NRP1: variants seen among roughly 807,000 people sequenced by gnomAD.
NRP1 encodes the protein neuropilin-1.
A neutral mutation model predicts 106.7 loss-of-function variants in NRP1; 35 were observed. That is an observed-to-expected ratio of 0.33 (90% confidence interval 0.25 to 0.43). The LOEUF (loss-of-function observed/expected upper bound fraction) is 0.43, where lower values mean the gene tolerates loss of function less well. Ranked by LOEUF, NRP1 falls within the 20% of genes least tolerant of loss-of-function variation. The probability of loss-of-function intolerance (pLI) is 1.00; values close to 1 mark genes in which losing one functional copy is unlikely to be tolerated. For synonymous variants in NRP1, 437 were observed against 417.9 expected (o/e 1.05, Z -0.56); for missense variants, 1,024 against 1,170.4 (o/e 0.87, Z 1.83).
chr10:33,324,524 G>GA, intron 2 of NRP1, among the ~76,000 whole-genome samples: 1 of 152,172 alleles, frequency 6.6e-6, no homozygotes, highest in Non-Finnish European at 1.5e-5. Flanking sequence ...AGTAGCCACT[G>GA]AAAAAAATTA....
At chr10:33,313,048 A>G (rs537915181) in intron 2 of NRP1, among the ~76,000 whole-genome samples, 1 of 152,234 alleles carries the variant, frequency 6.6e-6, no homozygotes, top group Non-Finnish European at 1.5e-5. Flanking sequence ...ACAACAGCAG[A>G]ACAATACATG....
chr10:33,191,397 T>C (rs1472118751), intron 13 of NRP1, among the ~76,000 whole-genome samples: 2 of 152,084 alleles, frequency 1.3e-5, no homozygotes, highest in Non-Finnish European at 2.9e-5. Flanking sequence ...TTTCAATCTT[T>C]CCCCAGTGAA....
intron 2 of NRP1, among the ~76,000 whole-genome samples, chr10:33,285,201 T>C (rs982248023): frequency 5.9e-5 from 9 of 152,200 alleles, no homozygotes; most frequent in Non-Finnish European, 1.0e-4. Context: ...TTTCCTCTAG[T>C]TTGTCTCCCT....
intron 9 of NRP1, 163 bp downstream of exon 9, chr10:33,213,223 T>C: frequency 6.4e-7 from 1 of 1,558,706 alleles, no homozygotes. Flanking sequence ...TCATGCCATA[T>C]TCCTGTCTTC....
intron 10 of NRP1, 129 bp downstream of exon 10, chr10:33,207,443 C>T: frequency 1.1e-6 from 1 of 912,382 alleles, no homozygotes; most frequent in Non-Finnish European, 1.7e-6. Flanking sequence ...CACTGATGGG[C>T]AGGCACCGAG....
intron 6 of NRP1, among the ~76,000 whole-genome samples, chr10:33,245,592 G>T (rs996781500): frequency 6.6e-6 from 1 of 152,190 alleles, no homozygotes; most frequent in African/African-American, 2.4e-5. Context: ...CAGGACACCA[G>T]CCTCAACAGA....
chr10:33,218,900 C>T (rs1365265127), intron 8 of NRP1, among the ~76,000 whole-genome samples: 1 of 152,134 alleles, frequency 6.6e-6, no homozygotes, highest in Non-Finnish European at 1.5e-5. Context: ...TGTTATGTTC[C>T]AGGCATACAG....
chr10:33,322,705 A>C (rs904424831), intron 2 of NRP1, among the ~76,000 whole-genome samples: 3 of 152,178 alleles, frequency 2.0e-5, no homozygotes, highest in Non-Finnish European at 2.9e-5. Flanking sequence ...GTGGAAAACC[A>C]CCAATTGGTT....
At position 33,206,245 on chromosome 10, in the gene NRP1, A is replaced by T. The variant is rs759400598; in HGVS notation, c.1759+1327T>A. 11 of 519,072 alleles carry T rather than the reference A, an allele frequency of 2.1e-5. No individual in the cohort carries two copies. In the East Asian group the frequency reaches 4.9e-4, roughly 23 times the overall value. The allele number at this position is 519,072 out of a possible 1,614,324, so 32.2% of individuals were successfully genotyped here. A position where few individuals can be genotyped will look rare whatever the true frequency, so the allele number is the denominator to read the frequency against. On this transcript the variant is annotated intron_variant, in intron 10 of 16. Coordinates refer to ENST00000374867, the MANE Select transcript of NRP1 (RefSeq NM_003873.7). ...TCCAGATGACCACATTTCTCCGTGA[A>T]TTGAACGAACGCATCTGCAGTGAGT...
Position 33,254,177 on chromosome 10 carries a change from C to T in NRP1, c.832G>A (p.Ala278Thr), listed in dbSNP as rs1842048658. ...SVSEDFKCMEALGMESGEIHS... is the reference protein window; with the variant it reads ...SVSEDFKCMETLGMESGEIHS... ...ATTTCTCCTGATTCCATGCCCAGAG[C>T]TTCCATACATTTGAAATCTGAAGGG... Residue 278 changes from alanine to threonine, a missense_variant, in exon 6 of 17, where the codon GCT becomes ACT. Physicochemically the swap from Ala to Thr is moderately conservative, Grantham distance 58 (BLOSUM62 0). Around this residue, in one of 5 missense-constraint regions of NRP1, gnomAD observed 562 missense variants for 620.3 expected, o/e 0.91. Coordinates refer to ENST00000374867, the MANE Select transcript of NRP1 (RefSeq NM_003873.7). 3 of 1,610,736 alleles carry T rather than the reference C, an allele frequency of 1.9e-6. No homozygotes were observed. Among genetic ancestry groups the T allele is most frequent in the East Asian group, 2.2e-5 (1 of 44,810 alleles).
intron 1 of NRP1, among the ~76,000 whole-genome samples, chr10:33,333,005 T>C (rs961356998): frequency 1.3e-5 from 2 of 152,024 alleles, no homozygotes; most frequent in African/African-American, 4.8e-5. Flanking sequence ...GTCTCAAGAG[T>C]TGTGGAGGAC....
At chr10:33,295,277 T>C (rs1187531930) in intron 2 of NRP1, among the ~76,000 whole-genome samples, 1 of 151,834 alleles carries the variant, frequency 6.6e-6, no homozygotes, top group East Asian at 1.9e-4. Flanking sequence ...AACACAGGAG[T>C]AACATGGATC....
chr10:33,179,920 G>T lies in NRP1; in HGVS notation c.*156C>A. The T allele has an allele frequency of 1.4e-6, 1 of 728,228 alleles. No homozygotes were observed. The highest frequency in any genetic ancestry group is 2.3e-6 in the Non-Finnish European group (1 of 426,678). 45.1% of individuals were successfully genotyped at this position (728,228 alleles called of 1,614,324 possible). ...ATGGTGAACACAGCTCCTTGTCCAT[G>T]TCTGTCGGCCATACTCATTGAAGCT... On this transcript the variant is annotated 3_prime_UTR_variant, in exon 17 of 17. Transcript: ENST00000374867.
At chr10:33,265,486 G>A (rs960370916) in intron 3 of NRP1, among the ~76,000 whole-genome samples, 1 of 152,246 alleles carries the variant, frequency 6.6e-6, no homozygotes, top group African/African-American at 2.4e-5. Flanking sequence ...GACATCAATA[G>A]AGATTAAAGT....
intron 6 of NRP1, among the ~76,000 whole-genome samples, chr10:33,231,821 C>A (rs1341823349): frequency 2.0e-5 from 3 of 152,088 alleles, no homozygotes; most frequent in African/African-American, 7.2e-5. Context: ...ACAGTAGGAG[C>A]TTGTGAGTGG....
At chr10:33,256,540 T>G (rs1842210027) in intron 4 of NRP1, 69 bp from the exon 5 acceptor site, 1 of 1,546,548 alleles carries the variant, frequency 6.5e-7, no homozygotes. Context: ...GAATTAGCAT[T>G]TACAAAGATG....
chr10:33,288,137 G>A (rs1022406854), intron 2 of NRP1, among the ~76,000 whole-genome samples: 3 of 152,062 alleles, frequency 2.0e-5, no homozygotes, highest in Non-Finnish European at 4.4e-5. Flanking sequence ...AAATTAGAAC[G>A]GTTGATTTGG....
At chr10:33,223,193 G>A (rs375538780) in intron 7 of NRP1, among the ~76,000 whole-genome samples, 56 of 152,324 alleles carry the variant, frequency 3.7e-4, no homozygotes, top group African/African-American at 1.2e-3. Context: ...CTTTCCAGGT[G>A]AGGACATGAA....
At chr10:33,280,739 T>C (rs1265695970) in intron 2 of NRP1, among the ~76,000 whole-genome samples, 2 of 152,114 alleles carry the variant, frequency 1.3e-5, no homozygotes, top group Non-Finnish European at 2.9e-5. Flanking sequence ...CCCAGCACTT[T>C]GGGATGTCGA....
Sources: allele counts gnomAD v4.1 joint callset (sites outside exome capture counted in the v4.1 genomes callset), GRCh38; gene constraint gnomAD v4.1.1; regional missense constraint gnomAD v4.1.1; transcripts MANE v1.5; gene names NCBI Gene and HGNC (gene_info 2026-07-23, HGNC 2026-07-21).